PTPRD: variants seen among roughly 807,000 people sequenced by gnomAD.
The protein encoded by PTPRD is receptor-type tyrosine-protein phosphatase delta.
Under a neutral mutation model 214.5 loss-of-function variants are expected in PTPRD, and 34 were observed. The ratio of observed to expected loss-of-function variants is 0.16; its 90% CI spans 0.12 to 0.21. The LOEUF is 0.21. Ranked by LOEUF, PTPRD falls within the 10% of genes least tolerant of loss-of-function variation. PTPRD has a pLI of 1.00. For missense variants in PTPRD, 2,545 were observed against 2,398.7 expected (o/e 1.06, Z -1.27); for synonymous variants, 1,128 against 845.7 (o/e 1.33, Z -5.79).
At chr9:9,923,118 T>TC (rs2083079505) in intron 5 of PTPRD, among the ~76,000 whole-genome samples, 1 of 147,738 alleles carries the variant, frequency 6.8e-6, no homozygotes, top group African/African-American at 2.5e-5. Flanking sequence ...ACTGTGTGTG[T>TC]GGGGGGTGTG....
chr9:8,771,942 TATTAGCA>T (rs1447698099), intron 11 of PTPRD, among the ~76,000 whole-genome samples: 1 of 151,918 alleles, frequency 6.6e-6, no homozygotes, highest in African/African-American at 2.4e-5. Flanking sequence ...AACTAATCAA[TATTAGCA>T]AATATCAGAC....
chr9:8,677,962 G>A (rs1162732458), intron 12 of PTPRD, among the ~76,000 whole-genome samples: 3 of 152,260 alleles, frequency 2.0e-5, no homozygotes, highest in South Asian at 4.1e-4. Context: ...CTGGTGTTGA[G>A]GCTCTTTGTG....
intron 3 of PTPRD, among the ~76,000 whole-genome samples, chr9:10,059,270 T>C (rs1428182229): frequency 1.3e-5 from 2 of 152,104 alleles, no homozygotes; most frequent in Non-Finnish European, 2.9e-5. Flanking sequence ...CAGCCAATAT[T>C]TACAACTTCC....
chr9:10,418,446 TACACACAC>T (rs3076350), intron 2 of PTPRD, among the ~76,000 whole-genome samples: 16,441 of 124,548 alleles, frequency 0.13, 1,098 homozygotes, highest in Admixed American at 0.21. Context: ...CCTTCCCCTC[TACACACAC>T]ACACACACAC....
chr9:10,355,998 A>G (rs1414653941), intron 2 of PTPRD, among the ~76,000 whole-genome samples: 1 of 152,184 alleles, frequency 6.6e-6, no homozygotes, highest in Non-Finnish European at 1.5e-5. Context: ...GACTTAAAAT[A>G]TTAATATCTA....
In PTPRD at chr9:10,239,259, A is replaced by C. The variant is rs530406261; in HGVS notation, c.-545+101704T>G. Among the ~76,000 whole-genome samples, 12 of 151,834 alleles carry C rather than the reference A, an allele frequency of 7.9e-5. No homozygotes were observed. In the South Asian group the frequency reaches 2.3e-3, roughly 29 times the overall value. On this transcript the variant is annotated intron_variant, in intron 3 of 45. Transcript: ENST00000381196. ...ATAGGAATACTGCTGATGATGTTTG[A>C]TAGAATTATACAATGAATGTGACTA... is the stretch of plus-strand genomic sequence containing the variant.
intron 5 of PTPRD, among the ~76,000 whole-genome samples, chr9:9,811,521 C>A (rs566334230): frequency 6.6e-6 from 1 of 152,080 alleles, no homozygotes; most frequent in East Asian, 1.9e-4. Flanking sequence ...TCCTGGCTGA[C>A]ACGGTGAAGC....
chr9:8,371,159 T>C (rs1045183200), intron 39 of PTPRD, among the ~76,000 whole-genome samples: 3 of 151,706 alleles, frequency 2.0e-5, no homozygotes, highest in African/African-American at 7.3e-5. Context: ...AACTCAGAAA[T>C]AGTTATAAGT....
Position 9,378,946 on chromosome 9 carries a change from C to T in PTPRD, c.-203+18503G>A, listed in dbSNP as rs914661645. ...TTTGTAAATATTTTCTTTTTCCATT[C>T]TGTGGCTTATCTTCTCATTCTCTTG... On this transcript the variant is annotated intron_variant, in intron 9 of 45. Transcript: ENST00000381196. Among the ~76,000 whole-genome samples, 3 of 151,796 alleles carry T rather than the reference C, an allele frequency of 2.0e-5. No homozygotes were observed. In the South Asian group the frequency reaches 6.2e-4, roughly 32 times the overall value.
At chr9:8,337,742 T>G (rs1221495896) in intron 43 of PTPRD, among the ~76,000 whole-genome samples, 1 of 152,084 alleles carries the variant, frequency 6.6e-6, no homozygotes, top group Non-Finnish European at 1.5e-5. Context: ...ATGTGTGGAA[T>G]AGGAAAGGTG....
At chr9:10,176,271 T>G (rs899272120) in intron 3 of PTPRD, among the ~76,000 whole-genome samples, 1 of 151,898 alleles carries the variant, frequency 6.6e-6, no homozygotes, top group Non-Finnish European at 1.5e-5. Flanking sequence ...CTCAAGGTTT[T>G]TAATGTGTTT....
intron 7 of PTPRD, among the ~76,000 whole-genome samples, chr9:9,652,525 A>G (rs941659920): frequency 6.6e-6 from 1 of 152,140 alleles, no homozygotes; most frequent in Non-Finnish European, 1.5e-5. Flanking sequence ...TTTATTGCCT[A>G]TCTGAAAGGG....
chr9:8,584,408 T>G (rs2093461535), intron 14 of PTPRD, among the ~76,000 whole-genome samples: 1 of 151,824 alleles, frequency 6.6e-6, no homozygotes, highest in African/African-American at 2.4e-5. Flanking sequence ...TGCCAATATG[T>G]GTGTGTAGTA....
chr9:10,163,815 A>C (rs2099142857), intron 3 of PTPRD, among the ~76,000 whole-genome samples: 1 of 151,568 alleles, frequency 6.6e-6, no homozygotes, highest in Non-Finnish European at 1.5e-5. Flanking sequence ...CAAATATCCA[A>C]GTCATATGTT....
intron 2 of PTPRD, among the ~76,000 whole-genome samples, chr9:10,373,627 C>T (rs1178545187): frequency 2.6e-5 from 4 of 152,048 alleles, no homozygotes; most frequent in Admixed American, 6.6e-5. Flanking sequence ...GGAACCTGAG[C>T]CTTTTCCCCA....
At chr9:8,368,465 A>T (rs10815838) in intron 39 of PTPRD, among the ~76,000 whole-genome samples, 13,204 of 152,114 alleles carry the variant, frequency 0.087, 629 homozygotes, top group Middle Eastern at 0.11. Context: ...ACCTTCATCA[A>T]ATAGACCTGA....
intron 7 of PTPRD, among the ~76,000 whole-genome samples, chr9:9,729,566 C>A (rs1410731673): frequency 6.6e-6 from 1 of 152,090 alleles, no homozygotes. Flanking sequence ...TTCTAATAAC[C>A]TGCTATCCCA....
At chr9:8,793,352 G>A (rs995364825) in intron 11 of PTPRD, among the ~76,000 whole-genome samples, 2 of 152,166 alleles carry the variant, frequency 1.3e-5, no homozygotes, top group African/African-American at 4.8e-5. Flanking sequence ...CAAAATGGAA[G>A]TAAGAATGCT....
intron 10 of PTPRD, among the ~76,000 whole-genome samples, chr9:9,122,437 T>G (rs2099818481): frequency 6.6e-6 from 1 of 152,178 alleles, no homozygotes; most frequent in Admixed American, 6.5e-5. Context: ...TGTCCTAAAT[T>G]TATGAATGCA....
Sources: gnomAD v4.1 joint callset for allele counts (sites outside exome capture counted in the v4.1 genomes callset) on GRCh38, gnomAD v4.1.1 for gene constraint, MANE v1.5 for transcripts, NCBI Gene and HGNC (gene_info 2026-07-23, HGNC 2026-07-21) for gene names.